The following VAV3 variants were observed in gnomAD, a reference collection of about 807,000 sequenced individuals.
VAV3 encodes vav guanine nucleotide exchange factor 3.
Under a neutral mutation model 131.2 loss-of-function variants are expected in VAV3, and 94 were observed. That is an observed-to-expected ratio of 0.72 (90% CI 0.61 to 0.85). The LOEUF is 0.85. Ranked by LOEUF, VAV3 falls within the 40% of genes least tolerant of loss-of-function variation. The pLI is 0.00. For synonymous variants in VAV3, 349 were observed against 342.0 expected (o/e 1.02, Z -0.22); for missense variants, 939 against 1,002.7 (o/e 0.94, Z 0.86).
At chr1:107,750,685 A>T (rs982808292) in intron 13 of VAV3, among the ~76,000 whole-genome samples, 1 of 152,242 alleles carries the variant, frequency 6.6e-6, no homozygotes, top group Non-Finnish European at 1.5e-5. Context: ...CAAGCTTACT[A>T]ATCTTCAAGA....
At chr1:107,673,909 C>T (rs756411045) in intron 19 of VAV3, among the ~76,000 whole-genome samples, 20 of 152,026 alleles carry the variant, frequency 1.3e-4, no homozygotes, top group East Asian at 3.9e-4. Context: ...TTATATTTTC[C>T]GAATATTTTA....
chr1:107,952,474 A>ATATATATG (rs2101348567), intron 1 of VAV3, among the ~76,000 whole-genome samples: 1 of 140,384 alleles, frequency 7.1e-6, no homozygotes, highest in Admixed American at 7.1e-5. Context: ...AACTTTATAT[A>ATATATATG]TATATATATA....
At chr1:107,619,101 A>G (rs1002115046) in intron 20 of VAV3, among the ~76,000 whole-genome samples, 2 of 152,194 alleles carry the variant, frequency 1.3e-5, no homozygotes, top group Admixed American at 6.5e-5. Flanking sequence ...ATATGGGAAG[A>G]GAAGATGATC....
chr1:107,814,518 T>G (rs754171697), intron 2 of VAV3, among the ~76,000 whole-genome samples: 5 of 150,884 alleles, frequency 3.3e-5, no homozygotes, highest in Non-Finnish European at 5.9e-5. Context: ...TCCCAGTATA[T>G]TCTGGATATT....
intron 20 of VAV3, among the ~76,000 whole-genome samples, chr1:107,628,258 T>A (rs1654186810): frequency 6.6e-6 from 1 of 152,090 alleles, no homozygotes; most frequent in African/African-American, 2.4e-5. Flanking sequence ...CAGCTTAAAA[T>A]GAAGAAAAAG....
chr1:107,716,773 C>A (rs1369806355), intron 15 of VAV3, among the ~76,000 whole-genome samples: 1 of 152,108 alleles, frequency 6.6e-6, no homozygotes. Context: ...AGGGAGGATT[C>A]CCTCTTTTTC....
intron 1 of VAV3, among the ~76,000 whole-genome samples, chr1:107,937,896 A>G (rs1382517848): frequency 6.6e-6 from 1 of 152,194 alleles, no homozygotes; most frequent in Non-Finnish European, 1.5e-5. Context: ...TTTAGAATAC[A>G]TTTTTCCAAA....
At chr1:107,787,938 A>G (rs1339009083) in intron 2 of VAV3, among the ~76,000 whole-genome samples, 2 of 151,746 alleles carry the variant, frequency 1.3e-5, no homozygotes, top group East Asian at 1.9e-4. Flanking sequence ...TTTCCTCCCC[A>G]TTCCCAATGA....
At chr1:107,600,482 G>A (rs12073204) in intron 24 of VAV3, among the ~76,000 whole-genome samples, 54,534 of 152,092 alleles carry the variant, frequency 0.36, 10,126 homozygotes, top group Middle Eastern at 0.42. Context: ...ATATGGAGAC[G>A]AAAACACATA....
intron 20 of VAV3, among the ~76,000 whole-genome samples, chr1:107,625,203 C>T (rs1353025733): frequency 1.3e-5 from 2 of 151,528 alleles, no homozygotes; most frequent in African/African-American, 4.8e-5. Flanking sequence ...GGCCAAAAAA[C>T]ATTTGATCCA....
chr1:107,937,097 CA>C (rs1227139793), intron 1 of VAV3, among the ~76,000 whole-genome samples: 1 of 151,932 alleles, frequency 6.6e-6, no homozygotes, highest in African/African-American at 2.4e-5. Context: ...ACCGCCACCC[CA>C]AAAAAACAGC....
Position 107,875,032 on chromosome 1 carries a change from A to G in VAV3, c.205-15T>C, listed in dbSNP as rs747719470. Reference sequence around the variant, plus strand: ...AAACAGAGAAACTGAGGAATGGAAAAGAGCTGTTAGCATAAAGTTAATTAT... The same window carrying G: ...AAACAGAGAAACTGAGGAATGGAAAGGAGCTGTTAGCATAAAGTTAATTAT... On this transcript the variant is annotated splice_polypyrimidine_tract_variant and intron_variant, in intron 1 of 26. Transcript: ENST00000370056. The G allele has an allele frequency of 6.2e-7, 1 of 1,600,434 alleles. No homozygotes were observed. Among genetic ancestry groups the G allele is most frequent in the Non-Finnish European group, 8.6e-7 (1 of 1,167,870 alleles).
At chr1:107,743,821 G>C (rs1042871328) in intron 15 of VAV3, among the ~76,000 whole-genome samples, 16 of 152,138 alleles carry the variant, frequency 1.1e-4, no homozygotes, top group Non-Finnish European at 1.5e-4. Flanking sequence ...AAATATTCTT[G>C]TCTAGTGGAG....
chr1:107,956,164 G>T (rs1052707854), intron 1 of VAV3, among the ~76,000 whole-genome samples: 3 of 152,192 alleles, frequency 2.0e-5, no homozygotes, highest in African/African-American at 7.2e-5. Flanking sequence ...ATGCAGGAAG[G>T]TGGGAGCCTG....
At chr1:107,936,330 T>C (rs1266565656) in intron 1 of VAV3, among the ~76,000 whole-genome samples, 2 of 152,288 alleles carry the variant, frequency 1.3e-5, no homozygotes, top group East Asian at 1.9e-4. Context: ...ATATTTAATA[T>C]ATAAATTAGT....
intron 1 of VAV3, among the ~76,000 whole-genome samples, chr1:107,911,165 C>T (rs887434323): frequency 6.6e-6 from 1 of 152,108 alleles, no homozygotes. Context: ...ACAGTTATTT[C>T]CTATTACGAA....
intron 4 of VAV3, among the ~76,000 whole-genome samples, chr1:107,775,078 T>C (rs1665272941): frequency 6.6e-6 from 1 of 152,168 alleles, no homozygotes; most frequent in South Asian, 2.1e-4. Flanking sequence ...GGCCACCAGG[T>C]AGAAATTTAA....
intron 25 of VAV3, among the ~76,000 whole-genome samples, chr1:107,576,952 C>A (rs1232509070): frequency 6.6e-6 from 1 of 152,166 alleles, no homozygotes; most frequent in Non-Finnish European, 1.5e-5. Context: ...GCATGCACAT[C>A]CCAGCTTATT....
intron 1 of VAV3, among the ~76,000 whole-genome samples, chr1:107,962,871 T>C (rs1675167896): frequency 6.6e-6 from 1 of 152,238 alleles, no homozygotes; most frequent in East Asian, 1.9e-4. Context: ...TCTGATAGCA[T>C]AGTGTAATAA....
Sources: gnomAD v4.1 joint callset for allele counts (sites outside exome capture counted in the v4.1 genomes callset) on GRCh38, gnomAD v4.1.1 for gene constraint, MANE v1.5 for transcripts, NCBI Gene and HGNC (gene_info 2026-07-23, HGNC 2026-07-21) for gene names.